Variants in CSMD1 observed in about 807,000 individuals in gnomAD.
The protein encoded by CSMD1 is CUB and sushi domain-containing protein 1.
In CSMD1, 213 loss-of-function variants were observed where a neutral mutation model predicts 417.5. That is an observed-to-expected ratio of 0.51 (90% CI 0.46 to 0.57). The LOEUF (loss-of-function observed/expected upper bound fraction) is 0.57. Among genes scored for constraint, CSMD1 ranks in the 20% least tolerant of loss-of-function variants. The pLI is 0.00. For missense variants in CSMD1, 6,923 were observed against 4,529.7 expected (o/e 1.53, Z -15.17); for synonymous variants, 2,862 against 1,736.8 (o/e 1.65, Z -16.11).
intron 2 of CSMD1, among the ~76,000 whole-genome samples, chr8:4,439,653 G>A (rs181381378): frequency 5.3e-4 from 81 of 152,250 alleles, no homozygotes; most frequent in African/African-American, 1.8e-3. Context: ...AATGGAAGTT[G>A]GTAGGAGTGC....
intron 1 of CSMD1, among the ~76,000 whole-genome samples, chr8:4,699,854 C>G (rs1330667435): frequency 1.3e-5 from 2 of 152,172 alleles, no homozygotes; most frequent in Non-Finnish European, 2.9e-5. Context: ...ATTGACAATA[C>G]TGCGAGCAAG....
At chr8:4,692,570 G>A (rs1806836380) in intron 1 of CSMD1, among the ~76,000 whole-genome samples, 1 of 152,166 alleles carries the variant, frequency 6.6e-6, no homozygotes, top group Admixed American at 6.5e-5. Context: ...GGAAGACTGT[G>A]AGCCATGGGT....
At chr8:3,183,682 A>G (rs1288191340) in intron 36 of CSMD1, among the ~76,000 whole-genome samples, 1 of 152,200 alleles carries the variant, frequency 6.6e-6, no homozygotes, top group Non-Finnish European at 1.5e-5. Context: ...CATCCCTGAA[A>G]CATCGAGTAG....
chr8:3,647,187 C>T (rs1401533362), intron 7 of CSMD1, among the ~76,000 whole-genome samples: 1 of 152,086 alleles, frequency 6.6e-6, no homozygotes, highest in Middle Eastern at 3.2e-3. Context: ...TCAAGAGGCA[C>T]ATGTGAAAAC....
intron 3 of CSMD1, among the ~76,000 whole-genome samples, chr8:4,102,164 T>C (rs1361386680): frequency 2.6e-5 from 4 of 152,214 alleles, no homozygotes; most frequent in Non-Finnish European, 4.4e-5. Context: ...AATGACTTAC[T>C]GGTTTTGTTT....
At position 3,157,972 on chromosome 8, in the gene CSMD1, T is replaced by G; in HGVS notation, c.5845-6A>C. 6.4e-7 allele frequency: 1 copy of G among 1,551,926 alleles called. No homozygotes were observed. Among genetic ancestry groups the G allele is most frequent in the Non-Finnish European group, 8.7e-7 (1 of 1,146,932 alleles). ...CAGGAAATGTGGGAACGGCCCTGTT[T>G]AAAAGAAAACAAAAGAAAATACATA... is the stretch of plus-strand genomic sequence containing the variant. On this transcript the variant is annotated splice_polypyrimidine_tract_variant and splice_region_variant and intron_variant, in intron 38 of 69. Transcript: ENST00000635120.
chr8:2,956,407 AC>A (rs1220782998), intron 63 of CSMD1, among the ~76,000 whole-genome samples: 1 of 151,986 alleles, frequency 6.6e-6, no homozygotes, highest in Non-Finnish European at 1.5e-5. Flanking sequence ...TAAAGGATTG[AC>A]ATATTATTAT....
chr8:3,307,818 T>G lies in CSMD1; in HGVS notation c.3827A>C (p.Glu1276Ala). ...GGCTGCATGGATCTGACCACCACATTCCGCTGTAGAAGACACAGAGAGATG... is the reference window on the plus strand; with the variant it reads ...GGCTGCATGGATCTGACCACCACATGCCGCTGTAGAAGACACAGAGAGATG... ...WDKPLPSCIA[E>A]CGGQIHAATS... Residue 1276 changes from glutamate to alanine, a missense_variant, in exon 25 of 70, where the codon GAA (glutamate) becomes GCA (alanine). Glu to Ala is a moderately radical substitution (Grantham distance 107). Coordinates refer to ENST00000635120, the MANE Select transcript of CSMD1 (RefSeq NM_033225.6). The G allele has an allele frequency of 3.7e-6, 6 of 1,611,974 alleles. No homozygotes were observed. Among genetic ancestry groups the G allele is most frequent in the Non-Finnish European group, 5.1e-6 (6 of 1,179,114 alleles).
intron 7 of CSMD1, among the ~76,000 whole-genome samples, chr8:3,697,630 T>G (rs1300894450): frequency 6.6e-6 from 1 of 152,204 alleles, no homozygotes; most frequent in Non-Finnish European, 1.5e-5. Flanking sequence ...TGGAATTGTT[T>G]TGACTCTGTG....
At chr8:3,061,772 T>C (rs1168625369) in intron 49 of CSMD1, among the ~76,000 whole-genome samples, 3 of 152,224 alleles carry the variant, frequency 2.0e-5, no homozygotes, top group Admixed American at 6.5e-5. Flanking sequence ...TTCCCTGCCA[T>C]TGTGAAAAGT....
intron 1 of CSMD1, among the ~76,000 whole-genome samples, chr8:4,653,574 G>A (rs566636252): frequency 6.6e-6 from 1 of 152,128 alleles, no homozygotes; most frequent in African/African-American, 2.4e-5. Context: ...GGAAAGTTTT[G>A]TGATTTATGA....
At position 3,155,314 on chromosome 8, in the gene CSMD1, C is replaced by T. The variant is rs138897181; in HGVS notation, c.5914+2583G>A. 4.1e-4 allele frequency among the ~76,000 whole-genome samples: 48 copies of T among 117,594 alleles called. 1 individual carries two copies. The highest frequency in any genetic ancestry group is 1.4e-3 in the African/African-American group (44 of 32,584). The allele number at this position is 117,594 out of a possible 152,430, so 77.1% of individuals were successfully genotyped here. ...GAATCAAAGGCAGTTTTAATTGTTTCGTTTTTTAAATTTTTTAATTTTTTC... is the reference window on the plus strand; with the variant it reads ...GAATCAAAGGCAGTTTTAATTGTTTTGTTTTTTAAATTTTTTAATTTTTTC... On this transcript the variant is annotated intron_variant, in intron 39 of 69. Coordinates refer to ENST00000635120, the MANE Select transcript of CSMD1 (RefSeq NM_033225.6).
At chr8:4,064,298 C>T (rs572259084) in intron 3 of CSMD1, among the ~76,000 whole-genome samples, 1 of 152,192 alleles carries the variant, frequency 6.6e-6, no homozygotes, top group African/African-American at 2.4e-5. Context: ...TTATATCCTG[C>T]AATGTTCCTG....
At chr8:3,402,763 A>T (rs986075759) in intron 15 of CSMD1, among the ~76,000 whole-genome samples, 2 of 152,154 alleles carry the variant, frequency 1.3e-5, no homozygotes, top group African/African-American at 4.8e-5. Context: ...ATTGATATTA[A>T]CAACTCACTC....
At chr8:3,504,842 G>C (rs1240332409) in intron 10 of CSMD1, among the ~76,000 whole-genome samples, 1 of 152,184 alleles carries the variant, frequency 6.6e-6, no homozygotes, top group African/African-American at 2.4e-5. Flanking sequence ...AGAGTAGCAA[G>C]TTGAGAGTCA....
rs568762302 is a variant in CSMD1, at chr8:3,286,564, T to G, written c.3951-2218A>C. ...TCTCATTGTGGTTTTGATTTGCATT[T>G]CTCTGATGGCCGGTGATAATGAGCA... is the stretch of plus-strand genomic sequence containing the variant. On this transcript the variant is annotated intron_variant, in intron 25 of 69. Transcript: ENST00000635120. 2.0e-5 allele frequency among the ~76,000 whole-genome samples: 3 copies of G among 152,312 alleles called. No individual in the cohort carries two copies. In the South Asian group the frequency reaches 6.2e-4, roughly 32 times the overall value.
At chr8:3,493,218 C>T (rs775495876) in intron 11 of CSMD1, among the ~76,000 whole-genome samples, 5 of 147,276 alleles carry the variant, frequency 3.4e-5, no homozygotes, top group Non-Finnish European at 5.9e-5. Context: ...TGCTTGAACC[C>T]GGGAGGCGGA....
chr8:3,038,845 G>T (rs1810877127), intron 50 of CSMD1, among the ~76,000 whole-genome samples: 1 of 152,098 alleles, frequency 6.6e-6, no homozygotes, highest in African/African-American at 2.4e-5. Flanking sequence ...TACGGATTTG[G>T]CACAGTTAGT....
At position 4,311,818 on chromosome 8, in the gene CSMD1, G is replaced by T. The variant is rs575260281; in HGVS notation, c.415+108135C>A. On this transcript the variant is annotated intron_variant, in intron 3 of 69. Coordinates refer to ENST00000635120, the MANE Select transcript of CSMD1 (RefSeq NM_033225.6). The stretch of plus-strand genomic sequence containing the variant: ...CACACACTAGGGCCTAGTGGATGGT[G>T]GAGAGTGCGAAGGAGAGGAGCGGAA... 9.2e-5 allele frequency among the ~76,000 whole-genome samples: 14 copies of T among 152,040 alleles called. No individual in the cohort carries two copies. In the South Asian group the frequency reaches 1.9e-3, roughly 20 times the overall value.
Sources: allele counts gnomAD v4.1 joint callset (sites outside exome capture counted in the v4.1 genomes callset), GRCh38; gene constraint gnomAD v4.1.1; transcripts MANE v1.5; gene names NCBI Gene and HGNC (gene_info 2026-07-23, HGNC 2026-07-21).